The following PKM variants were observed in gnomAD, a reference collection of about 807,000 sequenced individuals.
The protein encoded by PKM is pyruvate kinase M1/2.
Under a neutral mutation model 49.8 loss-of-function variants are expected in PKM, and 18 were observed. The ratio of observed to expected loss-of-function variants is 0.36; its 90% CI spans 0.25 to 0.54. PKM has a LOEUF of 0.54. PKM is among the 20% of genes least tolerant of loss of function. The pLI is 0.89. For synonymous variants in PKM, 239 were observed against 261.8 expected (o/e 0.91, Z 0.84); for missense variants, 508 against 713.8 (o/e 0.71, Z 3.28).
At chr15:72,221,926 A>C (rs1424581325) in intron 1 of PKM, among the ~76,000 whole-genome samples, 2 of 1,600 alleles carry the variant, frequency 1.3e-3, no homozygotes, top group African/African-American at 6.8e-4. Flanking sequence ...CCTCAAAGCA[A>C]AAAAAAAAAA....
intron 1 of PKM, among the ~76,000 whole-genome samples, chr15:72,219,580 C>T (rs1284828127): frequency 1.3e-5 from 2 of 152,218 alleles, no homozygotes; most frequent in East Asian, 3.8e-4. Flanking sequence ...CACAAAGCTA[C>T]AAATAGCTGC....
Position 72,210,577 on chromosome 15 carries a change from C to T in PKM, c.247-99G>A, listed in dbSNP as rs535681810. On this transcript the variant is annotated intron_variant, in intron 3 of 10. Transcript: ENST00000335181. ...CAAAGCTGATCACTCAGGAAAGGCC[C>T]GTGGATGTCTTAGAGCTCTATCTCC... 5.7e-4 allele frequency: 772 copies of T among 1,347,030 alleles called. 16 individuals are homozygous for T. The South Asian group carries it at 7.9e-3, about 14-fold the overall frequency. The allele number at this position is 1,347,030 out of a possible 1,614,324, so 83.4% of individuals were successfully genotyped here.
intron 6 of PKM, among the ~76,000 whole-genome samples, chr15:72,207,724 T>A (rs915768090): frequency 6.6e-6 from 1 of 152,172 alleles, no homozygotes; most frequent in Non-Finnish European, 1.5e-5. Context: ...GGTGGCCCAC[T>A]CCAACCTGCT....
Position 72,202,737 on chromosome 15 carries a change from T to C in PKM, c.1141-117A>G. ...GGACAGCTGGTGAGGAACATGTTCC[T>C]GGGAACAAAGGCCAAGAGGAGCCCA... On this transcript the variant is annotated intron_variant, in intron 8 of 10. Transcript: ENST00000335181. The surrounding 1 kb of genome is among the most constrained non-coding windows in gnomAD (Gnocchi z 4.5). 1 of 955,354 alleles carries C rather than the reference T, an allele frequency of 1.0e-6. No individual in the cohort carries two copies. The highest frequency in any genetic ancestry group is 1.6e-6 in the Non-Finnish European group (1 of 618,816). The allele number at this position is 955,354 out of a possible 1,614,324, so 59.2% of individuals were successfully genotyped here. A position where few individuals can be genotyped will look rare whatever the true frequency, so the allele number is the denominator to read the frequency against.
At chr15:72,228,739 T>G in intron 1 of PKM, 1 of 620,272 alleles carries the variant, frequency 1.6e-6, no homozygotes, top group South Asian at 1.6e-5. Flanking sequence ...AAGGGCAAAT[T>G]ATTTGCTAAC....
rs575147266 is a variant in PKM, at chr15:72,220,567, G to C, written c.-13-1457C>G. 3.9e-5 allele frequency among the ~76,000 whole-genome samples: 6 copies of C among 152,136 alleles called. No individual in the cohort carries two copies. In the East Asian group the frequency reaches 7.7e-4, roughly 19 times the overall value. ...TTTAAAATGGGGAAATAAGATACCG[G>C]CTAACGGTTCAACATGGCAAATGCA... On this transcript the variant is annotated intron_variant, in intron 1 of 10. Coordinates refer to ENST00000335181, the MANE Select transcript of PKM (RefSeq NM_002654.6).
chr15:72,202,955 T>G lies in PKM; in HGVS notation c.1141-335A>C. 1 of 1,524,436 alleles carries G rather than the reference T, an allele frequency of 6.6e-7. No homozygotes were observed. Among genetic ancestry groups the G allele is most frequent in the Non-Finnish European group, 9.1e-7 (1 of 1,103,316 alleles). The allele number at this position is 1,524,436 out of a possible 1,614,324, so 94.4% of individuals were successfully genotyped here. Reference sequence around the variant, plus strand: ...AGATGCCAGGTTGGGCCTGGCTGTCTTCTCCTAGAGCAGGTGGAGCAAGAG... The same window carrying G: ...AGATGCCAGGTTGGGCCTGGCTGTCGTCTCCTAGAGCAGGTGGAGCAAGAG... On this transcript the variant is annotated intron_variant, in intron 8 of 10. Coordinates refer to ENST00000335181, the MANE Select transcript of PKM (RefSeq NM_002654.6). The surrounding 1 kb of genome is among the most constrained non-coding windows in gnomAD (Gnocchi z 4.5).
intron 1 of PKM, among the ~76,000 whole-genome samples, chr15:72,219,914 A>G (rs145001698): frequency 1.1e-4 from 16 of 152,328 alleles, no homozygotes; most frequent in African/African-American, 3.8e-4. Context: ...CAAGTATACC[A>G]CCACTCTGTA....
At position 72,206,856 on chromosome 15, in the gene PKM, G is replaced by A; in HGVS notation, c.1012C>T (p.Pro338Ser). Residue 338 changes from proline (P) to serine (S), a missense_variant, in exon 8 of 11, where the codon CCC becomes TCC. Coordinates refer to ENST00000335181, the MANE Select transcript of PKM (RefSeq NM_002654.6). ...CTGCCTTCAGCCCGAGTGGGGCGGGGCTTCTTGATCATGCTCTCCAGCATC... is the reference window on the plus strand; with the variant it reads ...CTGCCTTCAGCCCGAGTGGGGCGGGACTTCTTGATCATGCTCTCCAGCATC... ...TQMLESMIKKPRPTRAEGSDV... is the reference protein window; with the variant it reads ...TQMLESMIKKSRPTRAEGSDV... 6.2e-7 allele frequency: 1 copy of A among 1,614,162 alleles called. No homozygotes were observed. The highest frequency in any genetic ancestry group is 8.5e-7 in the Non-Finnish European group (1 of 1,180,030).
At chr15:72,206,042 G>A (rs1407086948) in intron 8 of PKM, among the ~76,000 whole-genome samples, 3 of 152,074 alleles carry the variant, frequency 2.0e-5, no homozygotes, top group Non-Finnish European at 2.9e-5. Context: ...GTCCAGGGCC[G>A]CCAGGGTCAG....
intron 2 of PKM, among the ~76,000 whole-genome samples, chr15:72,218,604 T>TC (rs1190968952): frequency 6.9e-5 from 10 of 144,646 alleles, no homozygotes; most frequent in Non-Finnish European, 1.1e-4. Flanking sequence ...TTTTTTTTTT[T>TC]CACTTTTTGG....
chr15:72,201,831 C>CAGGG (rs2081952418), intron 9 of PKM: 1 of 160,044 alleles, frequency 6.2e-6, no homozygotes, highest in African/African-American at 2.4e-5. Flanking sequence ...GGACAAGGAG[C>CAGGG]ATACTCCCTA....
chr15:72,206,472 T>C (rs1000486082), intron 8 of PKM: 39 of 539,200 alleles, frequency 7.2e-5, no homozygotes, highest in Non-Finnish European at 1.1e-4. Context: ...AAATAAACTG[T>C]GTGGTGTCCA....
Position 72,202,908 on chromosome 15 carries a change from G to T in PKM, c.1141-288C>A. The T allele has an allele frequency of 8.9e-7, 1 of 1,128,542 alleles. No homozygotes were observed. Among genetic ancestry groups the T allele is most frequent in the Non-Finnish European group, 1.3e-6 (1 of 751,782 alleles). 69.9% of individuals were successfully genotyped at this position (1,128,542 alleles called of 1,614,324 possible). A position where few individuals can be genotyped will look rare whatever the true frequency, so the allele number is the denominator to read the frequency against. Reference sequence around the variant, plus strand: ...TGACCTCCCTGGCGGTGTTCCTACAGACGAGAAGAGGCTCTGTGCCCAGAT... The same window carrying T: ...TGACCTCCCTGGCGGTGTTCCTACATACGAGAAGAGGCTCTGTGCCCAGAT... On this transcript the variant is annotated intron_variant, in intron 8 of 10. Transcript: ENST00000335181. The surrounding 1 kb of genome is among the most constrained non-coding windows in gnomAD (Gnocchi z 4.5).
intron 1 of PKM, chr15:72,221,317 A>G: frequency 7.5e-7 from 1 of 1,333,208 alleles, no homozygotes; most frequent in Non-Finnish European, 1.0e-6. Context: ...GCTGAGTGTA[A>G]CTAAAGCTCT....
rs1567098726 is a variant in PKM at position 72,200,150 on chromosome 15, C to T, written c.1489+324G>A. Among the ~76,000 whole-genome samples, 1 of 151,328 alleles carries T rather than the reference C, an allele frequency of 6.6e-6. No homozygotes were observed. The highest frequency in any genetic ancestry group is 1.5e-5 in the Non-Finnish European group (1 of 67,792). On this transcript the variant is annotated intron_variant, in intron 10 of 10. Coordinates refer to ENST00000335181, the MANE Select transcript of PKM (RefSeq NM_002654.6). This position sits in a 1 kb window ranked among gnomAD's most constrained non-coding sequence, Gnocchi z 4.6. ...TTTTATTTAAAAAAAAAACAAAAAA[C>T]AAAAAAAACTCTCAGTAATGAGCAG...
At chr15:72,225,082 C>T (rs945163062) in intron 1 of PKM, among the ~76,000 whole-genome samples, 2 of 142,588 alleles carry the variant, frequency 1.4e-5, no homozygotes, top group Non-Finnish European at 3.0e-5. Context: ...CCACCAGGCC[C>T]GGCTAATTTT....
At chr15:72,230,731 G>A (rs897340408) in intron 1 of PKM, among the ~76,000 whole-genome samples, 12 of 152,132 alleles carry the variant, frequency 7.9e-5, no homozygotes, top group African/African-American at 2.9e-4. Flanking sequence ...GGGAAAACGA[G>A]CACGGAACAG....
Position 72,211,069 on chromosome 15 carries a change from G to GTT in PKM, c.247-593_247-592dup, listed in dbSNP as rs35471277. Reference sequence around the variant, plus strand: ...CAGACCTGATTTTCTCAATCGCTTTGTTTTTTTTTTTTTTGAGACAGAGTC... The same window carrying GTT: ...CAGACCTGATTTTCTCAATCGCTTTGTTTTTTTTTTTTTTTTGAGACAGAGTC... On this transcript the variant is annotated intron_variant, in intron 3 of 10. Transcript: ENST00000335181. Among the ~76,000 whole-genome samples the GTT allele has an allele frequency of 2.7e-3, 386 of 142,552 alleles. 3 individuals carry two copies. Among genetic ancestry groups the GTT allele is most frequent in the African/African-American group, 9.0e-3 (353 of 39,180 alleles). The allele number at this position is 142,552 out of a possible 152,430, so 93.5% of individuals were successfully genotyped here. A position where few individuals can be genotyped will look rare whatever the true frequency, so the allele number is the denominator to read the frequency against.
Sources: gnomAD v4.1 joint callset for allele counts (sites outside exome capture counted in the v4.1 genomes callset) on GRCh38, gnomAD v4.1.1 for gene constraint, Gnocchi (gnomAD v3.1) non-coding constraint, MANE v1.5 for transcripts, NCBI Gene and HGNC (gene_info 2026-07-23, HGNC 2026-07-21) for gene names.